The following CSMD1 variants were observed in gnomAD, a reference collection of about 807,000 sequenced individuals.
CSMD1 encodes the protein CUB and Sushi multiple domains 1.
In CSMD1, 213 loss-of-function variants were observed where a neutral mutation model predicts 417.5. That is an observed-to-expected ratio of 0.51 (90% CI 0.46 to 0.57). The LOEUF (loss-of-function observed/expected upper bound fraction) is 0.57. Ranked by LOEUF, CSMD1 falls within the 20% of genes least tolerant of loss-of-function variation. The pLI is 0.00. For missense variants in CSMD1, 6,923 were observed against 4,529.7 expected, an observed-to-expected ratio of 1.53 and a Z score of -15.17; for synonymous variants, 2,862 against 1,736.8, an observed-to-expected ratio of 1.65 and a Z score of -16.11.
At chr8:4,211,264 A>C (rs1433697337) in intron 3 of CSMD1, among the ~76,000 whole-genome samples, 1 of 152,134 alleles carries the variant, frequency 6.6e-6, no homozygotes, top group African/African-American at 2.4e-5. Flanking sequence ...AAACTGAAAG[A>C]AATCCAAAGA....
chr8:4,234,598 T>C (rs1485913240), intron 3 of CSMD1, among the ~76,000 whole-genome samples: 1 of 152,178 alleles, frequency 6.6e-6, no homozygotes, highest in East Asian at 1.9e-4. Context: ...TGAGTGTTTG[T>C]ATTTACACTT....
At position 3,290,080 on chromosome 8, in the gene CSMD1, G is replaced by A. The variant is rs551802097; in HGVS notation, c.3951-5734C>T. Among the ~76,000 whole-genome samples the A allele has an allele frequency of 2.9e-4, 42 of 147,136 alleles. No individual in the cohort carries two copies. In the East Asian group the frequency reaches 7.3e-3, roughly 26 times the overall value. On this transcript the variant is annotated intron_variant, in intron 25 of 69. Coordinates refer to ENST00000635120, the MANE Select transcript of CSMD1 (RefSeq NM_033225.6). Reference sequence around the variant, plus strand: ...TTTTCCCAGCACCATTTATTAAATAGGGAATGCTTTCCCCATTGCTTGTTT... The same window carrying A: ...TTTTCCCAGCACCATTTATTAAATAAGGAATGCTTTCCCCATTGCTTGTTT...
At chr8:3,220,929 T>C (rs1798171333) in intron 28 of CSMD1, among the ~76,000 whole-genome samples, 1 of 152,186 alleles carries the variant, frequency 6.6e-6, no homozygotes, top group Non-Finnish European at 1.5e-5. Context: ...TTCATATGTG[T>C]CTTTAAAAAG....
intron 3 of CSMD1, among the ~76,000 whole-genome samples, chr8:4,244,324 T>G (rs745756688): frequency 1.6e-4 from 25 of 152,072 alleles, no homozygotes; most frequent in Non-Finnish European, 2.6e-4. Flanking sequence ...TGCCTGAAAC[T>G]TTGCCTGGAG....
intron 8 of CSMD1, among the ~76,000 whole-genome samples, chr8:3,587,866 A>G (rs1433593056): frequency 1.3e-5 from 2 of 152,128 alleles, no homozygotes; most frequent in African/African-American, 4.8e-5. Context: ...GGACAACTAG[A>G]GTTCTATGGA....
chr8:4,095,665 G>T (rs1002473899), intron 3 of CSMD1, among the ~76,000 whole-genome samples: 2 of 152,122 alleles, frequency 1.3e-5, no homozygotes, highest in African/African-American at 4.8e-5. Flanking sequence ...AACAACTGAG[G>T]GTTCTTGTAA....
intron 3 of CSMD1, among the ~76,000 whole-genome samples, chr8:4,407,580 T>C (rs1383884760): frequency 1.3e-5 from 2 of 152,236 alleles, no homozygotes; most frequent in African/African-American, 4.8e-5. Context: ...AATGAAATGA[T>C]ACCTCACTTA....
At chr8:3,310,867 G>C (rs927339149) in intron 23 of CSMD1, among the ~76,000 whole-genome samples, 1 of 152,114 alleles carries the variant, frequency 6.6e-6, no homozygotes, top group Admixed American at 6.6e-5. Context: ...TTTTCAAGGG[G>C]CAAAAGAAAT....
chr8:4,220,881 G>T (rs80032511), intron 3 of CSMD1, among the ~76,000 whole-genome samples: 1 of 152,152 alleles, frequency 6.6e-6, no homozygotes, highest in East Asian at 1.9e-4. Context: ...AAGAAGATTT[G>T]GGACTGGATG....
chr8:3,925,864 AT>A (rs760912473), intron 5 of CSMD1, among the ~76,000 whole-genome samples: 4 of 151,990 alleles, frequency 2.6e-5, no homozygotes, highest in Non-Finnish European at 5.9e-5. Context: ...ACCTTTATTA[AT>A]TTATTTTATT....
chr8:3,662,997 A>C (rs1004849116), intron 7 of CSMD1, among the ~76,000 whole-genome samples: 1 of 152,126 alleles, frequency 6.6e-6, no homozygotes, highest in African/African-American at 2.4e-5. Flanking sequence ...CCAGAACTTA[A>C]AGTAAAATAA....
intron 1 of CSMD1, among the ~76,000 whole-genome samples, chr8:4,835,127 G>C (rs565343380): frequency 6.6e-6 from 1 of 152,032 alleles, no homozygotes; most frequent in Non-Finnish European, 1.5e-5. Flanking sequence ...TATTAAGGCG[G>C]CAACTCTAGA....
intron 3 of CSMD1, among the ~76,000 whole-genome samples, chr8:4,403,707 C>A (rs542762462): frequency 3.3e-5 from 5 of 152,164 alleles, no homozygotes; most frequent in Non-Finnish European, 7.4e-5. Context: ...TTGACCTCTT[C>A]ATGTCACTCT....
chr8:4,392,625 C>A (rs1803921178), intron 3 of CSMD1, among the ~76,000 whole-genome samples: 1 of 150,720 alleles, frequency 6.6e-6, no homozygotes, highest in Admixed American at 6.6e-5. Context: ...GAGAAAAGAG[C>A]AGGGGTTTTT....
intron 3 of CSMD1, among the ~76,000 whole-genome samples, chr8:4,253,173 A>G (rs920107011): frequency 3.9e-5 from 6 of 152,330 alleles, no homozygotes; most frequent in Non-Finnish European, 8.8e-5. Flanking sequence ...GAAACATTCT[A>G]TCTGGTCTAT....
intron 7 of CSMD1, among the ~76,000 whole-genome samples, chr8:3,656,544 G>C (rs1406706342): frequency 6.6e-6 from 1 of 152,222 alleles, no homozygotes; most frequent in Admixed American, 6.5e-5. Flanking sequence ...ATGGGTAGAT[G>C]CTCAAATGAG....
intron 2 of CSMD1, among the ~76,000 whole-genome samples, chr8:4,442,130 T>C (rs781036050): frequency 3.9e-5 from 6 of 152,152 alleles, no homozygotes; most frequent in Middle Eastern, 3.2e-3. Context: ...TCTTATCTCC[T>C]GTCCTGATTC....
intron 51 of CSMD1, among the ~76,000 whole-genome samples, chr8:3,027,854 C>G (rs1230848151): frequency 1.3e-5 from 2 of 152,224 alleles, no homozygotes; most frequent in Non-Finnish European, 2.9e-5. Flanking sequence ...GCTTTCTTTC[C>G]CAAGATGAGG....
chr8:4,585,769 C>G (rs759271495), intron 2 of CSMD1, among the ~76,000 whole-genome samples: 2 of 152,038 alleles, frequency 1.3e-5, no homozygotes, highest in Non-Finnish European at 2.9e-5. Flanking sequence ...TGAAACTATC[C>G]TATAGAAATT....
Sources: allele counts gnomAD v4.1 joint callset (sites outside exome capture counted in the v4.1 genomes callset), GRCh38; gene constraint gnomAD v4.1.1; transcripts MANE v1.5; gene names NCBI Gene and HGNC (gene_info 2026-07-23, HGNC 2026-07-21).